RFX6: variants seen among roughly 807,000 people sequenced by gnomAD.
RFX6 encodes DNA-binding protein RFX6.
Under a neutral mutation model 110.8 loss-of-function variants are expected in RFX6, and 50 were observed. That is an observed-to-expected ratio of 0.45 (90% confidence interval 0.36 to 0.57). The LOEUF is 0.57. Among genes scored for constraint, RFX6 ranks in the 20% least tolerant of loss-of-function variants. The pLI is 0.00. For synonymous variants in RFX6, 383 were observed against 411.2 expected, an observed-to-expected ratio of 0.93 and a Z score of 0.83; for missense variants, 990 against 1,127.0, an observed-to-expected ratio of 0.88 and a Z score of 1.74.
At position 116,925,641 on chromosome 6, in the gene RFX6, G is replaced by T; in HGVS notation, c.1867G>T (p.Asp623Tyr). 1.9e-6 allele frequency: 3 copies of T among 1,613,354 alleles called. No homozygotes were observed. The highest frequency in any genetic ancestry group is 2.5e-6 in the Non-Finnish European group (3 of 1,179,358). Residue 623 changes from aspartate to tyrosine, a missense_variant, in exon 16 of 19, where the codon GAC (aspartate) becomes TAC (tyrosine). Asp to Tyr is a radical substitution (Grantham distance 160, BLOSUM62 -3). This residue lies in a region of RFX6 where 438 missense variants were observed against 441.9 expected (regional missense o/e 0.99). Coordinates refer to ENST00000332958, the MANE Select transcript of RFX6 (RefSeq NM_173560.4). ...ALHQFPAGNT[D>Y]NMPLTGQMEL... The stretch of plus-strand genomic sequence containing the variant: ...GCACCAGTTCCCTGCTGGGAACACA[G>T]ACAACATGCCGCTCACAGGTACGCT...
chr6:116,880,448 T>A, intron 2 of RFX6, 96 bp from the exon 3 acceptor site: 1 of 1,097,374 alleles, frequency 9.1e-7, no homozygotes, highest in Non-Finnish European at 1.4e-6. Flanking sequence ...TTACCTCATT[T>A]ATAGAGTCCA....
At chr6:116,923,252 CT>C in intron 14 of RFX6, 28 bp downstream of exon 14, 1 of 1,001,958 alleles carries the variant, frequency 1.0e-6, no homozygotes, top group Non-Finnish European at 1.6e-6. Flanking sequence ...TAAAACTGTT[CT>C]TACATGAATT....
chr6:116,918,853 G>A (rs754331524), intron 10 of RFX6, among the ~76,000 whole-genome samples: 6 of 152,002 alleles, frequency 3.9e-5, no homozygotes, highest in Non-Finnish European at 8.8e-5. Context: ...TATCTATTCT[G>A]TACTCTGAAT....
rs1774591884 is a variant in RFX6 at position 116,881,645 on chromosome 6, G to C, written c.505-722G>C. On this transcript the variant is annotated intron_variant, in intron 3 of 18. Transcript: ENST00000332958. ...CTCATTCTATTAAATGAGGAGTTTG[G>C]ATAAGACAACTTCTAATATCCATAT... Among the ~76,000 whole-genome samples the C allele has an allele frequency of 2.6e-5, 4 of 151,912 alleles. 1 individual carries two copies. In the South Asian group the frequency reaches 8.3e-4, roughly 32 times the overall value.
Position 116,878,004 on chromosome 6 carries a change from C to G in RFX6, c.380+52C>G, listed in dbSNP as rs544742992. 471 of 1,531,748 alleles carry G rather than the reference C, an allele frequency of 3.1e-4. 6 individuals carry two copies. In the South Asian group the frequency reaches 4.7e-3, roughly 15 times the overall value. 94.9% of individuals were successfully genotyped at this position (1,531,748 alleles called of 1,614,324 possible). ...AAGCACCTGTTGACGTTTTAACAGC[C>G]AGCGTCTTCAGGATCTTTGATTTTC... On this transcript the variant is annotated intron_variant, in intron 2 of 18. Coordinates refer to ENST00000332958, the MANE Select transcript of RFX6 (RefSeq NM_173560.4).
chr6:116,911,979 T>C (rs1467736490), intron 7 of RFX6, among the ~76,000 whole-genome samples: 1 of 152,168 alleles, frequency 6.6e-6, no homozygotes, highest in Non-Finnish European at 1.5e-5. Context: ...CATACTCTGT[T>C]AGTTAAGAAT....
At chr6:116,923,377 G>A (rs1362144453) in intron 14 of RFX6, 153 bp downstream of exon 14, 5 of 646,924 alleles carry the variant, frequency 7.7e-6, no homozygotes, top group Non-Finnish European at 1.1e-5. Flanking sequence ...ATGAGCCTGG[G>A]TTTTGGAGTC....
intron 1 of RFX6, 41 bp from the exon 2 acceptor site, chr6:116,877,755 A>G (rs1774494902): frequency 2.6e-6 from 4 of 1,548,008 alleles, no homozygotes; most frequent in Non-Finnish European, 3.5e-6. Context: ...AGTTGATTTT[A>G]TATTCTATTT....
chr6:116,919,017 C>A, intron 10 of RFX6, 120 bp from the exon 11 acceptor site: 1 of 870,376 alleles, frequency 1.1e-6, no homozygotes. Context: ...CAGATCTAGG[C>A]TGTCTGACTT....
chr6:116,895,226 T>A lies in RFX6; in HGVS notation c.672+19T>A, dbSNP rs1214779152. ...GAATGAGGTAAGAATTATTTTCATC[T>A]CTATTTTACATCTGCTATAATATGT... On this transcript the variant is annotated intron_variant, in intron 6 of 18. Transcript: ENST00000332958. 1.5e-6 allele frequency: 2 copies of A among 1,350,044 alleles called. No individual in the cohort carries two copies. The highest frequency in any genetic ancestry group is 2.9e-5 in the African/African-American group (2 of 69,726). The allele number at this position is 1,350,044 out of a possible 1,614,324, so 83.6% of individuals were successfully genotyped here.
At chr6:116,920,560 GT>G in intron 12 of RFX6, 106 bp downstream of exon 12, 1 of 946,256 alleles carries the variant, frequency 1.1e-6, no homozygotes, top group Non-Finnish European at 1.7e-6. Context: ...GCTGTAGGAT[GT>G]TTAGCAGCAT....
At position 116,877,867 on chromosome 6, in the gene RFX6, G is replaced by A; in HGVS notation, c.295G>A (p.Ala99Thr). 6.2e-7 allele frequency: 1 copy of A among 1,614,102 alleles called. No individual in the cohort carries two copies. The highest frequency in any genetic ancestry group is 8.5e-7 in the Non-Finnish European group (1 of 1,179,996). Residue 99 changes from alanine (A) to threonine (T), a missense_variant, in exon 2 of 19, where the codon GCA becomes ACA. Physicochemically the swap from Ala to Thr is moderately conservative, Grantham distance 58. This residue lies in a region of RFX6 where 175 missense variants were observed against 162.3 expected (regional missense o/e 1.08). Transcript: ENST00000332958. Reference protein sequence around the residue: ...DADNHDSKTKAADQYLSQKKT... With the variant: ...DADNHDSKTKTADQYLSQKKT... ...CGACAACCACGACAGCAAAACCAAAGCAGCGGATCAATACCTGTCTCAGAA... is the reference window on the plus strand; with the variant it reads ...CGACAACCACGACAGCAAAACCAAAACAGCGGATCAATACCTGTCTCAGAA...
At chr6:116,929,084 T>C in intron 18 of RFX6, 113 bp downstream of exon 18, 2 of 766,970 alleles carry the variant, frequency 2.6e-6, no homozygotes, top group Non-Finnish European at 4.7e-6. Context: ...GTTTCCACGG[T>C]TGATTTATTA....
chr6:116,924,481 C>A (rs888839336), intron 14 of RFX6, among the ~76,000 whole-genome samples, 188 bp from the exon 15 acceptor site: 11 of 152,176 alleles, frequency 7.2e-5, no homozygotes, highest in Non-Finnish European at 7.3e-5. Context: ...GATTAGAGAT[C>A]CAAGTTAAGC....
In RFX6 at chr6:116,916,326, G is replaced by C; in HGVS notation, c.972+12G>C. 6.8e-7 allele frequency: 1 copy of C among 1,480,312 alleles called. No homozygotes were observed. The highest frequency in any genetic ancestry group is 1.4e-5 in the African/African-American group (1 of 72,424). 91.7% of individuals were successfully genotyped at this position (1,480,312 alleles called of 1,614,324 possible). On this transcript the variant is annotated intron_variant, in intron 9 of 18. Transcript: ENST00000332958. ...CAATTCTTTATAAGGTAAGCACTTT[G>C]GGATGTCTTAAACATGAGCCATTTA...
At chr6:116,924,640 C>T (rs765778940) in intron 14 of RFX6, 29 bp from the exon 15 acceptor site, 2 of 1,597,776 alleles carry the variant, frequency 1.3e-6, no homozygotes, top group South Asian at 2.2e-5. Context: ...TTCACACTGT[C>T]CTCTCCTCAT....
chr6:116,890,381 G>T (rs1233914541), intron 4 of RFX6, among the ~76,000 whole-genome samples: 1 of 152,034 alleles, frequency 6.6e-6, no homozygotes, highest in Non-Finnish European at 1.5e-5. Flanking sequence ...TGCTTCAATG[G>T]TAGCAAATAT....
intron 5 of RFX6, 46 bp from the exon 6 acceptor site, chr6:116,895,134 G>T: frequency 9.7e-7 from 1 of 1,032,372 alleles, no homozygotes. Flanking sequence ...GAATGCTATA[G>T]CTGTAATTTT....
At chr6:116,897,361 C>A (rs1303120940) in intron 6 of RFX6, among the ~76,000 whole-genome samples, 1 of 152,130 alleles carries the variant, frequency 6.6e-6, no homozygotes, top group Admixed American at 6.5e-5. Flanking sequence ...GACCCCCACC[C>A]CCTTGTCGTG....
Sources: gnomAD v4.1 joint callset for allele counts (sites outside exome capture counted in the v4.1 genomes callset) on GRCh38, gnomAD v4.1.1 for gene constraint, gnomAD v4.1.1 regional missense constraint, MANE v1.5 for transcripts, NCBI Gene and HGNC (gene_info 2026-07-23, HGNC 2026-07-21) for gene names.